SAXO1: variants seen among roughly 807,000 people sequenced by gnomAD.
The protein encoded by SAXO1 is 4930500O09Rik.
A neutral mutation model predicts 17.5 loss-of-function variants in SAXO1; 21 were observed. That is an observed-to-expected ratio of 1.20 (90% CI 0.85 to 1.72). SAXO1 has a LOEUF of 1.72. Ranked by LOEUF, SAXO1 falls within the 40% of genes most tolerant of loss-of-function variation. SAXO1 has a pLI of 0.00. For missense variants in SAXO1, 843 were observed against 596.0 expected (o/e 1.41, Z -4.32); for synonymous variants, 274 against 216.5 (o/e 1.27, Z -2.33).
chr9:19,046,193 T>G (rs192299092), intron 1 of SAXO1, among the ~76,000 whole-genome samples: 1 of 151,920 alleles, frequency 6.6e-6, no homozygotes, highest in Admixed American at 6.6e-5. Flanking sequence ...GTTACTATTA[T>G]CCTCAGAGAG....
At chr9:19,034,311 A>G (rs1835878259), upstream of SAXO1, among the ~76,000 whole-genome samples, 1 of 152,120 alleles carries the variant, frequency 6.6e-6, no homozygotes, top group South Asian at 2.1e-4. Flanking sequence ...AATAGGCTCT[A>G]GAATAGAGGT....
At chr9:19,014,333 G>A (rs1834876569) in intron 1 of SAXO1, among the ~76,000 whole-genome samples, 1 of 151,454 alleles carries the variant, frequency 6.6e-6, no homozygotes, top group African/African-American at 2.4e-5. Context: ...GTGGGGGTGG[G>A]CACCTGTAAT....
intron 1 of SAXO1, among the ~76,000 whole-genome samples, chr9:18,979,738 G>A (rs1284634802): frequency 3.9e-5 from 6 of 152,242 alleles, no homozygotes; most frequent in African/African-American, 1.4e-4. Context: ...CTACTAGGGA[G>A]ACAGAGGCAG....
At chr9:19,032,697 T>C (rs1835818310) in intron 1 of SAXO1, among the ~76,000 whole-genome samples, 174 bp downstream of exon 1, 1 of 152,232 alleles carries the variant, frequency 6.6e-6, no homozygotes, top group South Asian at 2.1e-4. Flanking sequence ...TCGCCAGAAC[T>C]GATGTGGCGT....
chr9:18,953,067 A>T (rs1832103574), intron 1 of SAXO1, among the ~76,000 whole-genome samples: 1 of 152,224 alleles, frequency 6.6e-6, no homozygotes, highest in Non-Finnish European at 1.5e-5. Context: ...ATTTAAGCCA[A>T]CTAGTACCCT....
chr9:19,027,607 G>C (rs1250169740), intron 1 of SAXO1: 5 of 1,433,288 alleles, frequency 3.5e-6, no homozygotes, highest in African/African-American at 2.8e-5. Context: ...AGCTGGTGCA[G>C]ATGTTCACTG....
intron 1 of SAXO1, among the ~76,000 whole-genome samples, chr9:18,953,834 G>C (rs1332118437): frequency 5.9e-5 from 9 of 152,198 alleles, no homozygotes; most frequent in African/African-American, 2.2e-4. Flanking sequence ...AAGATATCTA[G>C]AAGTTATCAA....
At chr9:18,957,845 A>G (rs1405192769) in intron 1 of SAXO1, among the ~76,000 whole-genome samples, 1 of 152,158 alleles carries the variant, frequency 6.6e-6, no homozygotes, top group Non-Finnish European at 1.5e-5. Context: ...CCTAAAGTGC[A>G]TTTGTGTTTA....
intron 1 of SAXO1, among the ~76,000 whole-genome samples, chr9:19,021,826 C>T (rs1835245612): frequency 6.6e-6 from 1 of 152,180 alleles, no homozygotes; most frequent in Non-Finnish European, 1.5e-5. Flanking sequence ...ACGCACCAAT[C>T]AGCACTCTGT....
At chr9:18,975,737 T>C (rs777498971) in intron 1 of SAXO1, among the ~76,000 whole-genome samples, 2 of 152,222 alleles carry the variant, frequency 1.3e-5, no homozygotes, top group African/African-American at 4.8e-5. Context: ...CCCATGCTTT[T>C]CTCTAGCCAT....
At chr9:19,005,868 G>A (rs1253873586) in intron 1 of SAXO1, among the ~76,000 whole-genome samples, 1 of 151,960 alleles carries the variant, frequency 6.6e-6, no homozygotes, top group Admixed American at 6.6e-5. Flanking sequence ...ATCTGATAAG[G>A]GATTAATATC....
intron 1 of SAXO1, among the ~76,000 whole-genome samples, chr9:18,989,193 A>G (rs2131837357): frequency 6.6e-6 from 1 of 152,330 alleles, no homozygotes; most frequent in Non-Finnish European, 1.5e-5. Flanking sequence ...AGACTAGCAA[A>G]TTAGTAAAAC....
At chr9:18,992,442 T>C (rs1273673151) in intron 1 of SAXO1, among the ~76,000 whole-genome samples, 1 of 152,206 alleles carries the variant, frequency 6.6e-6, no homozygotes, top group African/African-American at 2.4e-5. Flanking sequence ...CATGCTGGAT[T>C]AGGGCCCACG....
chr9:19,012,223 AG>A (rs1834774750), intron 1 of SAXO1, among the ~76,000 whole-genome samples: 1 of 152,260 alleles, frequency 6.6e-6, no homozygotes, highest in African/African-American at 2.4e-5. Context: ...AGGCAAATAA[AG>A]AGAAGAAAAA....
chr9:19,038,051 A>T (rs1835984970), upstream of SAXO1, among the ~76,000 whole-genome samples: 2 of 152,214 alleles, frequency 1.3e-5, no homozygotes, highest in East Asian at 1.9e-4. Flanking sequence ...TCAAAACCAC[A>T]ATGAGATACC....
intron 3 of SAXO1, 98 bp downstream of exon 3, chr9:18,941,539 C>T: frequency 7.1e-7 from 1 of 1,403,284 alleles, no homozygotes; most frequent in Non-Finnish European, 9.9e-7. Context: ...AGTCTGCCAA[C>T]TCTTGCACTA....
At chr9:18,993,166 A>G (rs995581381) in intron 1 of SAXO1, among the ~76,000 whole-genome samples, 2 of 151,568 alleles carry the variant, frequency 1.3e-5, no homozygotes, top group African/African-American at 2.4e-5. Flanking sequence ...GGTATGTTAC[A>G]TAGGTATACA....
intron 1 of SAXO1, among the ~76,000 whole-genome samples, chr9:19,022,099 G>A (rs1442233063): frequency 6.6e-6 from 1 of 152,230 alleles, no homozygotes; most frequent in Admixed American, 6.5e-5. Context: ...CTCAGTGTGA[G>A]TTTCTGTGGC....
chr9:19,026,985 C>T (rs1835500818), intron 1 of SAXO1: 1 of 909,204 alleles, frequency 1.1e-6, no homozygotes, highest in Non-Finnish European at 1.8e-6. Context: ...CACATGGCTT[C>T]TGGACAGTGA....
Sources: gnomAD v4.1 joint callset for allele counts (sites outside exome capture counted in the v4.1 genomes callset) on GRCh38, gnomAD v4.1.1 for gene constraint, MANE v1.5 for transcripts, NCBI Gene and HGNC (gene_info 2026-07-23, HGNC 2026-07-21) for gene names.